The following RXYLT1 variants were observed in gnomAD, a reference collection of about 807,000 sequenced individuals.
The protein encoded by RXYLT1 is ribitol-5-phosphate xylosyltransferase 1.
RXYLT1 carries 41 observed loss-of-function variants against 43.5 expected under a neutral mutation model. The ratio of observed to expected loss-of-function variants is 0.94; its 90% CI spans 0.73 to 1.22. The LOEUF is 1.22. Among genes scored for constraint, RXYLT1 ranks in the 50% most tolerant of loss-of-function variants. The pLI is 0.00. For missense variants in RXYLT1, 514 were observed against 532.0 expected (o/e 0.97, Z 0.33); for synonymous variants, 166 against 194.4 (o/e 0.85, Z 1.21).
intron 3 of RXYLT1, among the ~76,000 whole-genome samples, chr12:63,791,201 A>G (rs1025931411): frequency 9.2e-5 from 14 of 152,170 alleles, no homozygotes; most frequent in African/African-American, 3.4e-4. Flanking sequence ...TTATAGTTTA[A>G]TCTCATAGGA....
At chr12:63,787,977 T>C (rs1393544723) in intron 3 of RXYLT1, among the ~76,000 whole-genome samples, 2 of 152,158 alleles carry the variant, frequency 1.3e-5, no homozygotes, top group Non-Finnish European at 2.9e-5. Context: ...TACTCCTTGA[T>C]CCATGGGCTG....
At chr12:63,792,561 T>C (rs1897940417) in intron 3 of RXYLT1, among the ~76,000 whole-genome samples, 1 of 152,218 alleles carries the variant, frequency 6.6e-6, no homozygotes, top group Non-Finnish European at 1.5e-5. Flanking sequence ...TTGTCCCAGC[T>C]CTGCTGCTGG....
chr12:63,785,017 G>A lies in RXYLT1; in HGVS notation c.373G>A (p.Asp125Asn), dbSNP rs188655071. 1.1e-5 allele frequency: 18 copies of A among 1,613,800 alleles called. No individual in the cohort carries two copies. Among genetic ancestry groups the A allele is most frequent in the Middle Eastern group, 3.3e-4 (2 of 6,082 alleles). Residue 125 changes from aspartate to asparagine, a missense_variant, in exon 3 of 6, where the codon GAT becomes AAT. Physicochemically the swap from Asp to Asn is conservative, Grantham distance 23. Transcript: ENST00000261234. ...TTTTGAAGGCTTACTTGATCCCAGC[G>A]ATGTGACTGCTCAATGGAGAGAAGG... is the stretch of plus-strand genomic sequence containing the variant. Reference protein sequence around the residue: ...HIFEGLLDPSDVTAQWREGKS... With the variant: ...HIFEGLLDPSNVTAQWREGKS...
intron 2 of RXYLT1, chr12:63,782,630 G>A (rs2136220614): frequency 2.2e-6 from 1 of 456,650 alleles, no homozygotes; most frequent in East Asian, 7.0e-5. Context: ...CATTAGATGG[G>A]AAGCTCCTCT....
intron 5 of RXYLT1, chr12:63,807,823 G>A (rs1240343581): frequency 1.3e-5 from 2 of 152,496 alleles, no homozygotes; most frequent in African/African-American, 2.4e-5. Context: ...TTGGCCTCAT[G>A]AAGTGCTGGG....
intron 5 of RXYLT1, chr12:63,808,301 C>T: frequency 4.1e-6 from 1 of 244,810 alleles, no homozygotes; most frequent in Non-Finnish European, 7.7e-6. Context: ...GTATTCTACC[C>T]CATCTAAATA....
intron 3 of RXYLT1, among the ~76,000 whole-genome samples, chr12:63,798,355 C>G (rs1186814546): frequency 1.3e-5 from 2 of 152,186 alleles, no homozygotes; most frequent in African/African-American, 4.8e-5. Context: ...ATCACCTTCT[C>G]TTCAAAACTT....
At position 63,805,260 on chromosome 12, in the gene RXYLT1, C is replaced by T. The variant is rs1274583973; in HGVS notation, c.770C>T (p.Ala257Val). ...TACAGGAATTTTCCTGTGGTGGAGG[C>T]AAGTTGGTCAATGCTGCATGATGAG... is the stretch of plus-strand genomic sequence containing the variant. ...ATYRNFPVVE[A>V]SWSMLHDERP... Residue 257 changes from alanine (A) to valine (V), a missense_variant, in exon 5 of 6, where the codon GCA (alanine) becomes GTA (valine). By Grantham distance (64) the Ala-to-Val change is moderately conservative. Coordinates refer to ENST00000261234, the MANE Select transcript of RXYLT1 (RefSeq NM_014254.3). 6.3e-7 allele frequency: 1 copy of T among 1,599,478 alleles called. No homozygotes were observed.
At chr12:63,796,673 T>C (rs935124967) in intron 3 of RXYLT1, among the ~76,000 whole-genome samples, 1 of 152,194 alleles carries the variant, frequency 6.6e-6, no homozygotes, top group Non-Finnish European at 1.5e-5. Context: ...GAGCACATCA[T>C]TTGAATATGA....
rs1592838547 is a variant in RXYLT1 at position 63,781,175 on chromosome 12, G to T, written c.325+1G>T. The T allele has an allele frequency of 1.2e-5, 19 of 1,545,532 alleles. No individual in the cohort carries two copies. Among genetic ancestry groups the T allele is most frequent in the Non-Finnish European group, 1.7e-5 (19 of 1,149,110 alleles). The stretch of plus-strand genomic sequence containing the variant: ...CAAATCTGGGGCAAAGCTGCCATTG[G>T]TAAGTTAATACGTAGAAGGAAGACA... On this transcript the variant is annotated splice_donor_variant, in intron 2 of 5. Transcript: ENST00000261234. LOFTEE classifies it high-confidence loss of function.
rs758592256 is a variant in RXYLT1 at position 63,802,178 on chromosome 12, A to C, written c.516A>C (p.Ala172=). 1 of 1,614,118 alleles carries C rather than the reference A, an allele frequency of 6.2e-7. No homozygotes were observed. Among genetic ancestry groups the C allele is most frequent in the East Asian group, 2.2e-5 (1 of 44,864 alleles). Residue 172 remains alanine (A), a synonymous_variant, in exon 4 of 6, where the codon GCA becomes GCC. Transcript: ENST00000261234. ...TCATTTTAAATGGAAGAGAAAAAGCAAAGATCTTTTATGCCACCCAGTGGT... is the reference window on the plus strand; with the variant it reads ...TCATTTTAAATGGAAGAGAAAAAGCCAAGATCTTTTATGCCACCCAGTGGT... ...VVLILNGREK[A]KIFYATQWLL...
At chr12:63,789,834 A>G (rs562428050) in intron 3 of RXYLT1, among the ~76,000 whole-genome samples, 1 of 152,234 alleles carries the variant, frequency 6.6e-6, no homozygotes, top group Non-Finnish European at 1.5e-5. Flanking sequence ...AAACAACTAC[A>G]TGGGTACTAA....
chr12:63,808,872 C>A lies in RXYLT1; in HGVS notation c.1112C>A (p.Ala371Asp). 6.2e-7 allele frequency: 1 copy of A among 1,614,160 alleles called. No individual in the cohort carries two copies. The highest frequency in any genetic ancestry group is 1.1e-5 in the South Asian group (1 of 91,070). Reference protein sequence around the residue: ...NCGNTSVHHGAPLQLLKSMGA... With the variant: ...NCGNTSVHHGDPLQLLKSMGA... ...GGGAATACATCTGTGCACCACGGTG[C>A]TCCTCTGCAGTTACTCAAGTCCATG... Residue 371 changes from alanine to aspartate, a missense_variant, in exon 6 of 6, where the codon GCT (alanine) becomes GAT (aspartate). Transcript: ENST00000261234.
chr12:63,788,443 C>A (rs1430193791), intron 3 of RXYLT1, among the ~76,000 whole-genome samples: 1 of 152,202 alleles, frequency 6.6e-6, no homozygotes, highest in Non-Finnish European at 1.5e-5. Context: ...TCTAGTGTAG[C>A]CACCTTCATC....
Position 63,793,323 on chromosome 12 carries a change from G to A in RXYLT1, c.428+8251G>A, listed in dbSNP as rs140050919. Among the ~76,000 whole-genome samples the A allele has an allele frequency of 1.6e-3, 241 of 151,616 alleles. No homozygotes were observed. The East Asian group carries it at 0.025, about 16-fold the overall frequency. On this transcript the variant is annotated intron_variant, in intron 3 of 5. Coordinates refer to ENST00000261234, the MANE Select transcript of RXYLT1 (RefSeq NM_014254.3). ...TTTAATGTTTTTAATTTTTTTAATC[G>A]TGTGATTTTTCAGGGTTATGTTTAC... is the stretch of plus-strand genomic sequence containing the variant.
chr12:63,809,180 G>A lies in RXYLT1; in HGVS notation c.*88G>A. ...TTTGTGTGTGTATGTATTTATAGAT[G>A]TTCTTTAAGGTACCCTTGAAAACTC... On this transcript the variant is annotated 3_prime_UTR_variant, in exon 6 of 6. Transcript: ENST00000261234. 4.2e-6 allele frequency: 4 copies of A among 959,922 alleles called. No homozygotes were observed. The South Asian group carries it at 6.9e-5, about 17-fold the overall frequency. The allele number at this position is 959,922 out of a possible 1,614,324, so 59.5% of individuals were successfully genotyped here.
At position 63,781,155 on chromosome 12, in the gene RXYLT1, C is replaced by G; in HGVS notation, c.306C>G (p.Ile102Met). Residue 102 changes from isoleucine to methionine, a missense_variant, in exon 2 of 6, where the codon ATC becomes ATG. Ile to Met is a conservative substitution (Grantham distance 10). Coordinates refer to ENST00000261234, the MANE Select transcript of RXYLT1 (RefSeq NM_014254.3). ...TKGKTDLSVQ[I>M]WGKAAIGLYL... ...GAAAAACAGATCTCAGTGTACAAAT[C>G]TGGGGCAAAGCTGCCATTGGTAAGT... 1 of 1,579,976 alleles carries G rather than the reference C, an allele frequency of 6.3e-7. No individual in the cohort carries two copies. The highest frequency in any genetic ancestry group is 1.2e-5 in the South Asian group (1 of 83,952).
chr12:63,785,133 G>A, intron 3 of RXYLT1, 61 bp downstream of exon 3: 1 of 1,177,700 alleles, frequency 8.5e-7, no homozygotes, highest in Non-Finnish European at 1.2e-6. Context: ...AATATTTTCT[G>A]TAAATACTAA....
At chr12:63,808,566 A>G (rs951961870) in intron 5 of RXYLT1, 109 bp from the exon 6 acceptor site, 1 of 1,258,300 alleles carries the variant, frequency 7.9e-7, no homozygotes, top group Admixed American at 2.7e-5. Context: ...TCATCTCTAT[A>G]AAGTTTCACC....
Sources: gnomAD v4.1 joint callset for allele counts (sites outside exome capture counted in the v4.1 genomes callset) on GRCh38, gnomAD v4.1.1 for gene constraint, MANE v1.5 for transcripts, NCBI Gene and HGNC (gene_info 2026-07-23, HGNC 2026-07-21) for gene names.